ANO3: variants seen among roughly 807,000 people sequenced by gnomAD.
ANO3 encodes anoctamin 3, also known as anoctamin-3.
Under a neutral mutation model 144.8 loss-of-function variants are expected in ANO3, and 99 were observed. The observed-to-expected ratio is 0.68, with a 90% CI of 0.58 to 0.81. ANO3 has a LOEUF of 0.81. Ranked by LOEUF, ANO3 falls within the 30% of genes least tolerant of loss-of-function variation. The pLI, the probability that ANO3 is intolerant of heterozygous loss-of-function variation, is 0.00. For missense variants in ANO3, 905 were observed against 1,202.2 expected, an observed-to-expected ratio of 0.75 and a Z score of 3.66; for synonymous variants, 414 against 392.6, an observed-to-expected ratio of 1.05 and a Z score of -0.64.
At chr11:26,571,606 C>G (rs1484204563) in intron 14 of ANO3, among the ~76,000 whole-genome samples, 1 of 151,982 alleles carries the variant, frequency 6.6e-6, no homozygotes, top group Non-Finnish European at 1.5e-5. Context: ...AAAGCAAAAA[C>G]CTCTAATACT....
At chr11:26,381,909 AT>A (rs1045344800) in intron 1 of ANO3, among the ~76,000 whole-genome samples, 6 of 152,078 alleles carry the variant, frequency 3.9e-5, no homozygotes, top group South Asian at 2.1e-4. Flanking sequence ...TGGCAAAACA[AT>A]TTTTTTTATC....
At chr11:26,610,140 A>C (rs991005983) in intron 17 of ANO3, among the ~76,000 whole-genome samples, 1 of 151,714 alleles carries the variant, frequency 6.6e-6, no homozygotes, top group Non-Finnish European at 1.5e-5. Context: ...CTAACTCCTG[A>C]CCTCAGGTGA....
chr11:26,269,629 A>T (rs571047004), intron 1 of ANO3, among the ~76,000 whole-genome samples: 1 of 152,266 alleles, frequency 6.6e-6, no homozygotes, highest in South Asian at 2.1e-4. Context: ...CTTCTCTAGC[A>T]CCTGGCAGCT....
At chr11:26,356,071 G>C (rs1283531478) in intron 1 of ANO3, among the ~76,000 whole-genome samples, 1 of 151,836 alleles carries the variant, frequency 6.6e-6, no homozygotes, top group Non-Finnish European at 1.5e-5. Flanking sequence ...TAGAATTCAT[G>C]GTTTGTGTTT....
At chr11:26,637,743 T>C (rs969681109) in intron 20 of ANO3, among the ~76,000 whole-genome samples, 1 of 150,580 alleles carries the variant, frequency 6.6e-6, no homozygotes, top group African/African-American at 2.4e-5. Flanking sequence ...AGTCTTAAAT[T>C]ACTGGGCTGG....
At chr11:26,606,274 G>A (rs1000258052) in intron 17 of ANO3, among the ~76,000 whole-genome samples, 1 of 152,154 alleles carries the variant, frequency 6.6e-6, no homozygotes, top group African/African-American at 2.4e-5. Context: ...TAATTTGATT[G>A]CAGTGTGGTC....
At chr11:26,337,424 T>C (rs1855222814) in intron 1 of ANO3, among the ~76,000 whole-genome samples, 1 of 152,170 alleles carries the variant, frequency 6.6e-6, no homozygotes, top group Non-Finnish European at 1.5e-5. Flanking sequence ...TATCTAGAAT[T>C]TTAATTATCT....
At chr11:26,374,489 G>A (rs1462411945) in intron 1 of ANO3, among the ~76,000 whole-genome samples, 1 of 152,032 alleles carries the variant, frequency 6.6e-6, no homozygotes, top group African/African-American at 2.4e-5. Flanking sequence ...CACAGAACTT[G>A]GACATTAGGA....
chr11:26,390,472 T>C (rs1856845899), intron 1 of ANO3, among the ~76,000 whole-genome samples: 1 of 152,086 alleles, frequency 6.6e-6, no homozygotes, highest in Admixed American at 6.6e-5. Flanking sequence ...TAAAACAACA[T>C]CTTCAATATC....
chr11:26,558,701 T>C (rs918692444), intron 13 of ANO3, among the ~76,000 whole-genome samples: 1 of 152,184 alleles, frequency 6.6e-6, no homozygotes, highest in Non-Finnish European at 1.5e-5. Flanking sequence ...AAATACATTT[T>C]ATGATGACTT....
intron 1 of ANO3, among the ~76,000 whole-genome samples, chr11:26,389,344 C>CA (rs1282522639): frequency 6.6e-6 from 1 of 152,020 alleles, no homozygotes; most frequent in Admixed American, 6.6e-5. Flanking sequence ...TTCATCAATA[C>CA]AATGGGGATA....
intron 1 of ANO3, among the ~76,000 whole-genome samples, chr11:26,368,950 C>G (rs1043425947): frequency 3.3e-5 from 5 of 151,878 alleles, no homozygotes; most frequent in Non-Finnish European, 1.5e-5. Context: ...TTTTTATCAA[C>G]TATTCATTAT....
chr11:26,344,467 G>A (rs7941734), intron 1 of ANO3, among the ~76,000 whole-genome samples: 108,333 of 150,372 alleles, frequency 0.72, 39,734 homozygotes, highest in African/African-American at 0.85. Context: ...CCGGGTTCAC[G>A]TCATTCTCCT....
At chr11:26,467,863 G>T (rs1859654538) in intron 4 of ANO3, among the ~76,000 whole-genome samples, 1 of 151,834 alleles carries the variant, frequency 6.6e-6, no homozygotes, top group South Asian at 2.1e-4. Context: ...GAAGCATTTT[G>T]TAATGAAAGG....
chr11:26,265,119 T>G (rs554605774), intron 1 of ANO3, among the ~76,000 whole-genome samples: 16 of 152,308 alleles, frequency 1.1e-4, no homozygotes, highest in African/African-American at 3.8e-4. Context: ...TTTCTACTTT[T>G]GTATATACTT....
intron 1 of ANO3, among the ~76,000 whole-genome samples, chr11:26,301,799 T>C (rs1854239140): frequency 6.6e-6 from 1 of 152,228 alleles, no homozygotes; most frequent in African/African-American, 2.4e-5. Flanking sequence ...AATTACCTTA[T>C]AGAACAGACT....
chr11:26,531,413 A>C (rs932754702), intron 8 of ANO3, 77 bp downstream of exon 8: 1 of 1,468,596 alleles, frequency 6.8e-7, no homozygotes, highest in Non-Finnish European at 9.1e-7. Flanking sequence ...AACACCTGGG[A>C]CCATTTCCAT....
At chr11:26,569,507 G>A (rs1217908786) in intron 14 of ANO3, among the ~76,000 whole-genome samples, 1 of 152,000 alleles carries the variant, frequency 6.6e-6, no homozygotes, top group East Asian at 1.9e-4. Context: ...CGTAGAAGCA[G>A]CCAGGAATTG....
At chr11:26,224,000 TA>T (rs1564923567) in intron 1 of ANO3, among the ~76,000 whole-genome samples, 1 of 152,158 alleles carries the variant, frequency 6.6e-6, no homozygotes, top group Non-Finnish European at 1.5e-5. Context: ...GACACACACC[TA>T]AACTATATCA....
Sources: allele counts gnomAD v4.1 joint callset (sites outside exome capture counted in the v4.1 genomes callset), GRCh38; gene constraint gnomAD v4.1.1; transcripts MANE v1.5; gene names NCBI Gene and HGNC (gene_info 2026-07-23, HGNC 2026-07-21).